The following ELP6 variants were observed in gnomAD, a reference collection of about 807,000 sequenced individuals.
ELP6 encodes the protein elongator acetyltransferase complex subunit 6.
Under a neutral mutation model 28.1 loss-of-function variants are expected in ELP6, and 23 were observed. The observed-to-expected ratio is 0.82, with a 90% CI of 0.59 to 1.16. ELP6 has a LOEUF of 1.16. Among genes scored for constraint, ELP6 ranks in the 50% most tolerant of loss-of-function variants. The probability of loss-of-function intolerance (pLI) is 0.00; values close to 1 mark genes in which losing one functional copy is unlikely to be tolerated. For missense variants in ELP6, 313 were observed against 334.6 expected, an observed-to-expected ratio of 0.94 and a Z score of 0.50; for synonymous variants, 132 against 135.8, an observed-to-expected ratio of 0.97 and a Z score of 0.19.
rs1708540761 is a variant in ELP6 at position 47,498,350 on chromosome 3, T to C, written c.608A>G (p.Gln203Arg). ...CTCAGCCCGCAGTATCAGATGGCTC[T>C]GATGACTGAGGCCATTCAGCAGGAT... ...NDILLNGLSH[Q>R]SHLILRAEGL... The change falls in exon 6 of 7, where the codon CAG becomes CGG. Residue 203 changes from glutamine to arginine, a missense_variant. By Grantham distance (43) the Gln-to-Arg change is conservative. Transcript: ENST00000296149. The C allele has an allele frequency of 1.9e-6, 3 of 1,613,768 alleles. No individual in the cohort carries two copies. Among genetic ancestry groups the C allele is most frequent in the Non-Finnish European group, 2.5e-6 (3 of 1,180,052 alleles).
chr3:47,512,898 T>C (rs1168833102), intron 1 of ELP6: 3 of 985,582 alleles, frequency 3.0e-6, no homozygotes, highest in Non-Finnish European at 3.6e-6. Context: ...TCTGAGCGCC[T>C]GGGACCCCCC....
intron 5 of ELP6, 95 bp downstream of exon 5, chr3:47,501,555 G>T: frequency 7.5e-7 from 1 of 1,326,154 alleles, no homozygotes; most frequent in Non-Finnish European, 1.1e-6. Flanking sequence ...AAAACCCCAA[G>T]CAAATAAAAA....
At chr3:47,504,515 TGCAAGAGG>T in intron 3 of ELP6, 67 bp from the exon 4 acceptor site, 3 of 1,498,096 alleles carry the variant, frequency 2.0e-6, no homozygotes, top group Non-Finnish European at 1.8e-6. Flanking sequence ...GATGCCAGCT[TGCAAGAGG>T]GCATAAGACA....
chr3:47,496,413 A>G (rs1708479412), intron 6 of ELP6: 1 of 985,366 alleles, frequency 1.0e-6, no homozygotes, highest in Non-Finnish European at 1.2e-6. Context: ...ATATTGGCTC[A>G]ATACAGAAAA....
intron 4 of ELP6, chr3:47,503,591 AC>A: frequency 2.2e-6 from 1 of 463,084 alleles, no homozygotes; most frequent in South Asian, 2.3e-5. Flanking sequence ...AATTTTACTT[AC>A]AAAAAATAAA....
At chr3:47,504,567 C>T in intron 3 of ELP6, 119 bp from the exon 4 acceptor site, 1 of 1,387,418 alleles carries the variant, frequency 7.2e-7, no homozygotes, top group Non-Finnish European at 9.4e-7. Context: ...ATCTGATCAC[C>T]CAATGTACAG....
intron 1 of ELP6, chr3:47,512,042 C>A: frequency 1.0e-6 from 1 of 985,460 alleles, no homozygotes; most frequent in Non-Finnish European, 1.2e-6. Context: ...TTTCACCTGG[C>A]CCTAGGCTGA....
intron 5 of ELP6, among the ~76,000 whole-genome samples, chr3:47,499,145 A>G (rs1708564443): frequency 6.6e-6 from 1 of 152,230 alleles, no homozygotes; most frequent in Non-Finnish European, 1.5e-5. Flanking sequence ...TGGGAGGCCA[A>G]GGCGGGAGGA....
In ELP6 at chr3:47,501,624, C is replaced by T. The variant is rs750928037; in HGVS notation, c.525+26G>A. ...TGAGTTCTTGGAGGTCACAGGTGGG[C>T]GCAGAGAAGGCAGTTCCATGAGTAC... On this transcript the variant is annotated intron_variant, in intron 5 of 6. Coordinates refer to ENST00000296149, the MANE Select transcript of ELP6 (RefSeq NM_001031703.3). The T allele has an allele frequency of 5.3e-5, 85 of 1,609,580 alleles. No homozygotes were observed. In the Middle Eastern group the frequency reaches 6.6e-4, roughly 13 times the overall value.
At chr3:47,500,260 C>T in intron 5 of ELP6, 1 of 1,039,580 alleles carries the variant, frequency 9.6e-7, no homozygotes, top group South Asian at 3.2e-5. Flanking sequence ...GGCAGGTTAC[C>T]AGTAATGTGA....
intron 5 of ELP6, chr3:47,500,175 T>G: frequency 4.4e-6 from 5 of 1,127,460 alleles, no homozygotes; most frequent in Non-Finnish European, 5.5e-6. Context: ...GATCCATGTG[T>G]TATTTTTGGG....
In ELP6 at chr3:47,513,527, G is replaced by T. The variant is rs746476808; in HGVS notation, c.54+10C>A. The T allele has an allele frequency of 1.3e-5, 21 of 1,611,014 alleles. No homozygotes were observed. The highest frequency in any genetic ancestry group is 3.4e-5 in the Admixed American group (2 of 59,480). On this transcript the variant is annotated intron_variant, in intron 1 of 6. Coordinates refer to ENST00000296149, the MANE Select transcript of ELP6 (RefSeq NM_001031703.3). The stretch of plus-strand genomic sequence containing the variant: ...GGTCCCGCCCCCTTCCGGCCAGCGG[G>T]ACCTCTTACCTGCTCCGCCCTGTCG...
At chr3:47,507,361 CAAAA>C (rs11314928) in intron 3 of ELP6, among the ~76,000 whole-genome samples, 3 of 106,936 alleles carry the variant, frequency 2.8e-5, no homozygotes, top group Non-Finnish European at 4.0e-5. Flanking sequence ...AACTCTGTCT[CAAAA>C]AAAAAAAAAA....
intron 5 of ELP6, chr3:47,499,693 CAAAAAAAAAA>C (rs11368069): frequency 1.5e-6 from 1 of 645,272 alleles, no homozygotes; most frequent in Non-Finnish European, 1.8e-6. Context: ...AACTCCGTCT[CAAAAAAAAAA>C]AAAAAAAAAA....
In ELP6 at chr3:47,511,360, A is replaced by G. The variant is rs539973873; in HGVS notation, c.55-134T>C. The G allele has an allele frequency of 2.1e-6, 3 of 1,423,234 alleles. No homozygotes were observed. In the South Asian group the frequency reaches 4.4e-5, roughly 21 times the overall value. 88.2% of individuals were successfully genotyped at this position (1,423,234 alleles called of 1,614,324 possible). A position where few individuals can be genotyped will look rare whatever the true frequency, so the allele number is the denominator to read the frequency against. On this transcript the variant is annotated intron_variant, in intron 1 of 6. Transcript: ENST00000296149. ...TTATTTTTTTAATGACATACATGCT[A>G]AGGTACCCTGAAATGATGAAAATAA...
At chr3:47,504,032 T>G (rs1202899734) in intron 4 of ELP6, among the ~76,000 whole-genome samples, 1 of 152,242 alleles carries the variant, frequency 6.6e-6, no homozygotes, top group African/African-American at 2.4e-5. Context: ...GTCTCCACTG[T>G]TGCAGAGCAC....
rs763976026 is a variant in ELP6, at chr3:47,496,171, C to T, written c.699G>A (p.Ser233=). The change falls in exon 7 of 7, where the codon TCG becomes TCA. Residue 233 remains serine, a synonymous_variant. Transcript: ENST00000296149. The part of the protein sequence containing the change: ...GQLRILWRRP[S]QPAVHRDQSF... ...TCTGATCCCGGTGGACTGCGGGCTG[C>T]GATGGTCTCCTCCACAGGATCCTCA... 75 of 1,613,818 alleles carry T rather than the reference C, an allele frequency of 4.6e-5. No individual in the cohort carries two copies. In the East Asian group the frequency reaches 1.2e-3, roughly 26 times the overall value.
chr3:47,508,298 C>T (rs1356491719), intron 3 of ELP6, among the ~76,000 whole-genome samples: 1 of 152,142 alleles, frequency 6.6e-6, no homozygotes, highest in African/African-American at 2.4e-5. Context: ...GGCTGGAGTG[C>T]AGTGGCACGA....
At chr3:47,503,498 A>C (rs1454270427) in intron 4 of ELP6, 2 of 1,165,374 alleles carry the variant, frequency 1.7e-6, no homozygotes, top group Non-Finnish European at 2.3e-6. Context: ...CTCTGTCCCA[A>C]CTACTCAACT....
Sources: allele counts gnomAD v4.1 joint callset (sites outside exome capture counted in the v4.1 genomes callset), GRCh38; gene constraint gnomAD v4.1.1; transcripts MANE v1.5; gene names NCBI Gene and HGNC (gene_info 2026-07-23, HGNC 2026-07-21).